The following DPP10 variants were observed in gnomAD, a reference collection of about 807,000 sequenced individuals.
DPP10 encodes the protein dipeptidyl peptidase like 10.
A neutral mutation model predicts 120.9 loss-of-function variants in DPP10; 33 were observed. The ratio of observed to expected loss-of-function variants is 0.27; its 90% CI spans 0.21 to 0.37. The LOEUF is 0.37. Ranked by LOEUF, DPP10 falls within the 10% of genes least tolerant of loss-of-function variation. The probability of loss-of-function intolerance (pLI) is 1.00; values close to 1 mark genes in which losing one functional copy is unlikely to be tolerated. For synonymous variants in DPP10, 337 were observed against 326.1 expected, an observed-to-expected ratio of 1.03 and a Z score of -0.36; for missense variants, 816 against 942.8, an observed-to-expected ratio of 0.87 and a Z score of 1.76.
At chr2:114,604,025 G>A (rs566861031) in intron 1 of DPP10, among the ~76,000 whole-genome samples, 4 of 152,014 alleles carry the variant, frequency 2.6e-5, no homozygotes, top group East Asian at 1.9e-4. Flanking sequence ...GTCATCCTCC[G>A]GTGGGGTCAC....
At chr2:115,705,721 C>A (rs543957700) in intron 7 of DPP10, among the ~76,000 whole-genome samples, 1 of 151,980 alleles carries the variant, frequency 6.6e-6, no homozygotes, top group African/African-American at 2.4e-5. Context: ...TTACCTCATT[C>A]ATCTTCATTA....
At chr2:114,940,294 A>G (rs1696795742) in intron 1 of DPP10, among the ~76,000 whole-genome samples, 1 of 152,176 alleles carries the variant, frequency 6.6e-6, no homozygotes, top group African/African-American at 2.4e-5. Flanking sequence ...TCTTTGACAC[A>G]CAACACTTTG....
intron 1 of DPP10, among the ~76,000 whole-genome samples, chr2:114,741,335 G>A (rs963536733): frequency 6.6e-6 from 1 of 152,164 alleles, no homozygotes; most frequent in Non-Finnish European, 1.5e-5. Flanking sequence ...GGTAATTTCT[G>A]TGCAGCAGCA....
chr2:115,658,972 A>T (rs1294234963), intron 5 of DPP10, among the ~76,000 whole-genome samples: 1 of 152,140 alleles, frequency 6.6e-6, no homozygotes, highest in East Asian at 1.9e-4. Context: ...TGTGTTGGAA[A>T]CTTAATCCCG....
intron 3 of DPP10, among the ~76,000 whole-genome samples, chr2:115,477,416 A>C (rs183093585): frequency 6.6e-6 from 1 of 152,160 alleles, no homozygotes; most frequent in African/African-American, 2.4e-5. Context: ...TAGTAGCACC[A>C]AAAGGATTAA....
At chr2:115,002,296 G>C (rs992789419) in intron 1 of DPP10, among the ~76,000 whole-genome samples, 1 of 152,116 alleles carries the variant, frequency 6.6e-6, no homozygotes, top group Admixed American at 6.5e-5. Flanking sequence ...TCAATAAATA[G>C]GGCTGAGATA....
intron 5 of DPP10, among the ~76,000 whole-genome samples, chr2:115,562,340 A>G (rs1245855125): frequency 6.6e-6 from 1 of 152,134 alleles, no homozygotes; most frequent in Non-Finnish European, 1.5e-5. Context: ...ACAGGCTTTC[A>G]ATCCCTTGTC....
intron 3 of DPP10, among the ~76,000 whole-genome samples, chr2:115,379,009 T>C: frequency 6.6e-6 from 1 of 152,214 alleles, no homozygotes; most frequent in Non-Finnish European, 1.5e-5. Context: ...TGGTCTAACA[T>C]TCTCTTTTTT....
At chr2:115,626,085 G>A (rs1351735378) in intron 5 of DPP10, among the ~76,000 whole-genome samples, 1 of 151,050 alleles carries the variant, frequency 6.6e-6, no homozygotes, top group East Asian at 1.9e-4. Context: ...CTAAAAAATA[G>A]TTACCTCTGT....
At chr2:115,253,602 GC>G (rs1313708043) in intron 1 of DPP10, among the ~76,000 whole-genome samples, 1 of 152,146 alleles carries the variant, frequency 6.6e-6, no homozygotes, top group Non-Finnish European at 1.5e-5. Context: ...AAAGAAAGGG[GC>G]CCTAGGTCCC....
chr2:114,546,319 T>TG (rs1339266038), intron 1 of DPP10, among the ~76,000 whole-genome samples: 2 of 152,000 alleles, frequency 1.3e-5, no homozygotes, highest in Non-Finnish European at 2.9e-5. Context: ...CAAGAGCAAG[T>TG]GGGGAGGTAC....
At chr2:115,373,160 T>C (rs1335524767) in intron 3 of DPP10, among the ~76,000 whole-genome samples, 1 of 152,142 alleles carries the variant, frequency 6.6e-6, no homozygotes, top group Non-Finnish European at 1.5e-5. Context: ...AAGCAATAGC[T>C]CTTTAGTAAA....
chr2:114,576,899 T>C (rs1214723715), intron 1 of DPP10, among the ~76,000 whole-genome samples: 1 of 152,138 alleles, frequency 6.6e-6, no homozygotes, highest in Non-Finnish European at 1.5e-5. Context: ...TTTTTTGTTT[T>C]TTCATAGAAG....
At chr2:115,372,300 C>A (rs975012076) in intron 3 of DPP10, among the ~76,000 whole-genome samples, 5 of 151,986 alleles carry the variant, frequency 3.3e-5, no homozygotes, top group African/African-American at 1.2e-4. Flanking sequence ...CAAGTGATTT[C>A]TGGTGATTTT....
intron 5 of DPP10, among the ~76,000 whole-genome samples, chr2:115,676,639 T>C (rs2090286761): frequency 6.6e-6 from 1 of 151,986 alleles, no homozygotes; most frequent in Admixed American, 6.6e-5. Flanking sequence ...GATAAATGCA[T>C]TAGCCAAAAG....
chr2:115,708,571 G>A (rs2092213024), intron 7 of DPP10, among the ~76,000 whole-genome samples: 1 of 151,958 alleles, frequency 6.6e-6, no homozygotes, highest in African/African-American at 2.4e-5. Flanking sequence ...AACAAAGCTT[G>A]TCCACTAACT....
intron 5 of DPP10, among the ~76,000 whole-genome samples, chr2:115,688,949 T>A (rs907178820): frequency 6.6e-6 from 1 of 152,186 alleles, no homozygotes; most frequent in Non-Finnish European, 1.5e-5. Context: ...ATTAGTTTTT[T>A]TCCTATCAGA....
At chr2:115,607,926 A>C (rs1451858071) in intron 5 of DPP10, among the ~76,000 whole-genome samples, 1 of 152,204 alleles carries the variant, frequency 6.6e-6, no homozygotes, top group Non-Finnish European at 1.5e-5. Context: ...AATACTTAGA[A>C]TATCATATGT....
At chr2:114,929,816 T>C (rs1189135997) in intron 1 of DPP10, among the ~76,000 whole-genome samples, 1 of 152,192 alleles carries the variant, frequency 6.6e-6, no homozygotes, top group Non-Finnish European at 1.5e-5. Flanking sequence ...AGAGTATTGA[T>C]TGAGGAAGTG....
Sources: gnomAD v4.1 joint callset for allele counts (sites outside exome capture counted in the v4.1 genomes callset) on GRCh38, gnomAD v4.1.1 for gene constraint, MANE v1.5 for transcripts, NCBI Gene and HGNC (gene_info 2026-07-23, HGNC 2026-07-21) for gene names.